Variants in VPS36 observed in about 807,000 individuals in gnomAD.
VPS36 encodes vacuolar protein-sorting-associated protein 36.
Under a neutral mutation model 63.5 loss-of-function variants are expected in VPS36, and 31 were observed. That is an observed-to-expected ratio of 0.49 (90% CI 0.37 to 0.66). The LOEUF (loss-of-function observed/expected upper bound fraction) is 0.66. Ranked by LOEUF, VPS36 falls within the 30% of genes least tolerant of loss-of-function variation. VPS36 has a pLI of 0.00. For missense variants in VPS36, 338 were observed against 463.7 expected, an observed-to-expected ratio of 0.73 and a Z score of 2.49; for synonymous variants, 138 against 157.2, an observed-to-expected ratio of 0.88 and a Z score of 0.91.
chr13:52,433,364 C>T (rs577274906), intron 6 of VPS36, among the ~76,000 whole-genome samples: 1 of 152,362 alleles, frequency 6.6e-6, no homozygotes, highest in South Asian at 2.1e-4. Flanking sequence ...ACAGAGAACC[C>T]TGAACTCATT....
chr13:52,421,025 G>A (rs561365211), intron 10 of VPS36, among the ~76,000 whole-genome samples: 1 of 152,098 alleles, frequency 6.6e-6, no homozygotes, highest in African/African-American at 2.4e-5. Flanking sequence ...AGAAGCTGAA[G>A]CACAAGAATT....
At chr13:52,423,459 A>G in intron 10 of VPS36, 115 bp downstream of exon 10, 1 of 864,374 alleles carries the variant, frequency 1.2e-6, no homozygotes. Context: ...TCACTGTACC[A>G]CAGTGCTTCT....
chr13:52,416,031 G>C lies in VPS36; in HGVS notation c.1053C>G (p.Leu351=). The C allele has an allele frequency of 6.2e-7, 1 of 1,613,912 alleles. No homozygotes were observed. The highest frequency in any genetic ancestry group is 8.5e-7 in the Non-Finnish European group (1 of 1,179,966). ...ACCTTACTTACCTTTCTTTGGCTAG[G>C]AGGACAGACATTCCCACAAGCTTAG... ...EFAKLVGMSV[L]LAKERLLLAE... Residue 351 remains leucine, a synonymous_variant, in exon 13 of 14, where the codon CTC becomes CTG. Transcript: ENST00000378060.
chr13:52,420,292 A>C (rs61958050), intron 10 of VPS36, among the ~76,000 whole-genome samples: 102,468 of 151,526 alleles, frequency 0.68, 34,617 homozygotes, highest in Middle Eastern at 0.77. Flanking sequence ...TACAATAGGG[A>C]AACCATAGTT....
chr13:52,418,573 C>CAAAAAAAAAAAAAAAAAAAAAAAAAA (rs1201650906), intron 10 of VPS36, among the ~76,000 whole-genome samples: 1 of 31,156 alleles, frequency 3.2e-5, no homozygotes. Context: ...GACTCCATCT[C>CAAAAAAAAAAAAAAAAAAAAAAAAAA]AAAAAAAAAA....
intron 12 of VPS36, chr13:52,416,432 A>C (rs1388460103): frequency 4.8e-6 from 1 of 206,426 alleles, no homozygotes; most frequent in Non-Finnish European, 9.7e-6. Context: ...TTAACGCTCC[A>C]GCGAAGGGAC....
At chr13:52,418,573 C>CA (rs1201650906) in intron 10 of VPS36, among the ~76,000 whole-genome samples, 1,732 of 30,564 alleles carry the variant, frequency 0.057, 81 homozygotes, top group African/African-American at 0.076. Context: ...GACTCCATCT[C>CA]AAAAAAAAAA....
chr13:52,425,413 G>A (rs1958092703), intron 9 of VPS36, among the ~76,000 whole-genome samples: 2 of 152,186 alleles, frequency 1.3e-5, no homozygotes, highest in Non-Finnish European at 2.9e-5. Flanking sequence ...GTGATGTGAT[G>A]TCTGGGATTT....
chr13:52,422,523 T>C (rs1427305533), intron 10 of VPS36, among the ~76,000 whole-genome samples: 4 of 152,168 alleles, frequency 2.6e-5, no homozygotes, highest in East Asian at 1.9e-4. Flanking sequence ...TAGTACCCAA[T>C]AGTTATCTGT....
chr13:52,419,780 G>A (rs1293426731), intron 10 of VPS36, among the ~76,000 whole-genome samples: 1 of 152,196 alleles, frequency 6.6e-6, no homozygotes, highest in Non-Finnish European at 1.5e-5. Flanking sequence ...AGTGAAGTAA[G>A]CTGGCACAGA....
intron 8 of VPS36, 58 bp from the exon 9 acceptor site, chr13:52,426,124 C>T: frequency 6.3e-7 from 1 of 1,587,530 alleles, no homozygotes. Flanking sequence ...ATTTGAAATT[C>T]TTCCATCACA....
At chr13:52,436,908 T>C (rs943084680) in intron 3 of VPS36, among the ~76,000 whole-genome samples, 1 of 152,320 alleles carries the variant, frequency 6.6e-6, no homozygotes, top group South Asian at 2.1e-4. Flanking sequence ...AACAGCATGA[T>C]CTAGAAAGAT....
At chr13:52,450,166 GCAGACGGCGAGCGCTCCTTCT>G in intron 1 of VPS36, 1 of 1,010,592 alleles carries the variant, frequency 9.9e-7, no homozygotes, top group Non-Finnish European at 1.2e-6. Context: ...CCCGGCGCCC[GCAGACGGCGAGCGCTCCTTCT>G]CCCGGGCACT....
chr13:52,434,843 A>G lies in VPS36; in HGVS notation c.391T>C (p.Trp131Arg), dbSNP rs778764463. ...GACTGGGAAACTGGCATATTCTCCC[A>G]TCTTCTTTGTGTCATTTCCTCTGAT... ...RLSEEMTQRR[W>R]ENMPVSQSLQ... Residue 131 changes from tryptophan to arginine, a missense_variant, in exon 5 of 14, where the codon TGG becomes CGG. Trp to Arg is a moderately radical substitution (Grantham distance 101, BLOSUM62 -3). Coordinates refer to ENST00000378060, the MANE Select transcript of VPS36 (RefSeq NM_016075.4). The G allele has an allele frequency of 4.2e-5, 67 of 1,613,910 alleles. No homozygotes were observed. Among genetic ancestry groups the G allele is most frequent in the Non-Finnish European group, 5.7e-5 (67 of 1,180,000 alleles).
chr13:52,447,033 G>A (rs61959672), intron 1 of VPS36, among the ~76,000 whole-genome samples: 6,039 of 151,740 alleles, frequency 0.04, 138 homozygotes, highest in South Asian at 0.07. Flanking sequence ...CCGCCACCAC[G>A]CCCAGCTAAT....
At chr13:52,432,832 C>A (rs1035559198) in intron 6 of VPS36, among the ~76,000 whole-genome samples, 2 of 152,088 alleles carry the variant, frequency 1.3e-5, no homozygotes, top group African/African-American at 4.8e-5. Context: ...CTTGGTTCCC[C>A]AACAGTAATC....
intron 3 of VPS36, among the ~76,000 whole-genome samples, chr13:52,437,547 G>A (rs533541261): frequency 6.6e-6 from 1 of 152,196 alleles, no homozygotes; most frequent in Admixed American, 6.5e-5. Flanking sequence ...AAGTTTAAAA[G>A]CTCCACAGTA....
rs1320092151 is a variant in VPS36 at position 52,426,011 on chromosome 13, C to T, written c.695G>A (p.Arg232Lys). 6.2e-7 allele frequency: 1 copy of T among 1,614,158 alleles called. No homozygotes were observed. The highest frequency in any genetic ancestry group is 1.1e-5 in the South Asian group (1 of 91,086). ...CTGTGTGCCTGAGCCGTAGGTTTCT[C>T]TGGTAACTGGGTTAGCTATTCCCAT... ...LSMGIANPVT[R>K]ETYGSGTQYH... is the part of the protein sequence containing the mutation. The change falls in exon 9 of 14, where the codon AGA becomes AAA. Residue 232 changes from arginine (R) to lysine (K), a missense_variant. Transcript: ENST00000378060.
chr13:52,450,628 C>A lies in VPS36; in HGVS notation c.-34G>T. Reference sequence around the variant, plus strand: ...CCACCCAGCCCCGGCCCTCCGAGGCCGCGAGCAGCGCGCCAGGCAGCCTGC... The same window carrying A: ...CCACCCAGCCCCGGCCCTCCGAGGCAGCGAGCAGCGCGCCAGGCAGCCTGC... On this transcript the variant is annotated 5_prime_UTR_variant, in exon 1 of 14. Coordinates refer to ENST00000378060, the MANE Select transcript of VPS36 (RefSeq NM_016075.4). 6.5e-7 allele frequency: 1 copy of A among 1,536,958 alleles called. No homozygotes were observed. The highest frequency in any genetic ancestry group is 8.8e-7 in the Non-Finnish European group (1 of 1,140,578).
Sources: allele counts gnomAD v4.1 joint callset (sites outside exome capture counted in the v4.1 genomes callset), GRCh38; gene constraint gnomAD v4.1.1; transcripts MANE v1.5; gene names NCBI Gene and HGNC (gene_info 2026-07-23, HGNC 2026-07-21).